Variants in GFRAL observed in about 807,000 individuals in gnomAD.
The protein encoded by GFRAL is GDNF family receptor alpha-like.
A neutral mutation model predicts 45.4 loss-of-function variants in GFRAL; 36 were observed. That is an observed-to-expected ratio of 0.79 (90% CI 0.61 to 1.05). The LOEUF (loss-of-function observed/expected upper bound fraction) is 1.05. Among genes scored for constraint, GFRAL ranks in the 50% least tolerant of loss-of-function variants. GFRAL has a pLI of 0.00. For missense variants in GFRAL, 507 were observed against 467.5 expected, an observed-to-expected ratio of 1.08 and a Z score of -0.78; for synonymous variants, 166 against 154.1, an observed-to-expected ratio of 1.08 and a Z score of -0.57.
chr6:55,375,236 T>G (rs1299300520), intron 6 of GFRAL, among the ~76,000 whole-genome samples: 2 of 152,198 alleles, frequency 1.3e-5, no homozygotes, highest in Non-Finnish European at 2.9e-5. Context: ...TTCATGATAT[T>G]GATTTTTCCT....
At chr6:55,384,740 A>G (rs1177486916) in intron 6 of GFRAL, among the ~76,000 whole-genome samples, 1 of 152,066 alleles carries the variant, frequency 6.6e-6, no homozygotes, top group Admixed American at 6.6e-5. Flanking sequence ...TATTTTCCAC[A>G]GTAACTTTTG....
chr6:55,361,046 A>C (rs1768268775), intron 6 of GFRAL, among the ~76,000 whole-genome samples: 2 of 152,064 alleles, frequency 1.3e-5, no homozygotes, highest in South Asian at 4.1e-4. Flanking sequence ...CAGAGCAAAA[A>C]ATTTGCAGAG....
chr6:55,383,360 T>A lies in GFRAL; in HGVS notation c.953-15820T>A, dbSNP rs117943733. 2.6e-5 allele frequency among the ~76,000 whole-genome samples: 4 copies of A among 152,160 alleles called. No individual in the cohort carries two copies. In the East Asian group the frequency reaches 7.7e-4, roughly 29 times the overall value. On this transcript the variant is annotated intron_variant, in intron 6 of 8. Coordinates refer to ENST00000340465, the MANE Select transcript of GFRAL (RefSeq NM_207410.2). ...ATCTCATATACAATTATGCACTGCA[T>A]AATGATGTTTCTGTCAAAGTCAGAC...
intron 6 of GFRAL, among the ~76,000 whole-genome samples, chr6:55,370,153 A>T: frequency 6.6e-6 from 1 of 152,132 alleles, no homozygotes; most frequent in African/African-American, 2.4e-5. Flanking sequence ...CAAAATTTAT[A>T]ATATAAATAT....
intron 6 of GFRAL, among the ~76,000 whole-genome samples, chr6:55,376,671 C>A (rs749729188): frequency 6.6e-6 from 1 of 151,954 alleles, no homozygotes; most frequent in Non-Finnish European, 1.5e-5. Context: ...GTTTGTATTT[C>A]TCTGGGGTCA....
chr6:55,351,152 T>C (rs1186139300), intron 4 of GFRAL, 101 bp from the exon 5 acceptor site: 2 of 803,352 alleles, frequency 2.5e-6, no homozygotes, highest in Admixed American at 2.4e-5. Flanking sequence ...CATTGGTACA[T>C]CATTGTATTT....
chr6:55,352,125 A>C (rs1413261860), intron 5 of GFRAL, among the ~76,000 whole-genome samples: 1 of 152,088 alleles, frequency 6.6e-6, no homozygotes, highest in Non-Finnish European at 1.5e-5. Flanking sequence ...CTGTTCAATC[A>C]CAAAAGCCAC....
chr6:55,376,426 T>C (rs1057510825), intron 6 of GFRAL, among the ~76,000 whole-genome samples: 7 of 152,088 alleles, frequency 4.6e-5, no homozygotes, highest in Admixed American at 4.6e-4. Context: ...ATAGTTTCAG[T>C]AGAAATGGTA....
At chr6:55,374,197 C>T (rs1768494391) in intron 6 of GFRAL, among the ~76,000 whole-genome samples, 1 of 152,156 alleles carries the variant, frequency 6.6e-6, no homozygotes, top group Non-Finnish European at 1.5e-5. Flanking sequence ...GTGAATAGTG[C>T]TGCAGTGAAC....
rs991765381 is a variant in GFRAL, at chr6:55,402,460, A to G, written c.*607A>G. ...AAAATATATGGTGGTATCTTTTACA[A>G]CACTGGAACAGAAATAAAGTTTCCC... On this transcript the variant is annotated 3_prime_UTR_variant, in exon 9 of 9. Transcript: ENST00000340465. 1 of 152,196 alleles carries G rather than the reference A, an allele frequency of 6.6e-6. No homozygotes were observed. The highest frequency in any genetic ancestry group is 1.5e-5 in the Non-Finnish European group (1 of 68,038). The allele number at this position is 152,196 out of a possible 1,614,324, so 9.4% of individuals were successfully genotyped here. A position where few individuals can be genotyped will look rare whatever the true frequency, so the allele number is the denominator to read the frequency against.
chr6:55,350,236 C>G, intron 4 of GFRAL, 91 bp downstream of exon 4: 1 of 727,276 alleles, frequency 1.4e-6, no homozygotes, highest in Non-Finnish European at 2.4e-6. Context: ...TAGGCCAATA[C>G]AGAACAAATC....
intron 6 of GFRAL, among the ~76,000 whole-genome samples, chr6:55,363,541 A>T (rs1768308499): frequency 6.7e-6 from 1 of 148,310 alleles, no homozygotes; most frequent in East Asian, 2.1e-4. Context: ...AACCCACTAA[A>T]TCGTCATCTA....
intron 1 of GFRAL, 107 bp from the exon 2 acceptor site, chr6:55,331,608 T>A: frequency 5.4e-6 from 5 of 934,090 alleles, no homozygotes; most frequent in Non-Finnish European, 7.8e-6. Context: ...ATTATTTCAC[T>A]ACATGTTATT....
At chr6:55,382,121 A>C (rs944717112) in intron 6 of GFRAL, among the ~76,000 whole-genome samples, 1 of 151,904 alleles carries the variant, frequency 6.6e-6, no homozygotes, top group Non-Finnish European at 1.5e-5. Context: ...CTCTGTATTC[A>C]TATTTATATC....
At chr6:55,357,038 C>T in intron 5 of GFRAL, among the ~76,000 whole-genome samples, 1 of 151,650 alleles carries the variant, frequency 6.6e-6, no homozygotes, top group Non-Finnish European at 1.5e-5. Context: ...AGTTTTATTC[C>T]ATTGTCATCA....
In GFRAL at chr6:55,351,109, C is replaced by T. The variant is rs1768110103; in HGVS notation, c.371-144C>T. On this transcript the variant is annotated intron_variant, in intron 4 of 8. Transcript: ENST00000340465. ...TTAGGTCTCAGTAAATTCATACTTA[C>T]TCTAAAAGATGTAATGTTTGCCAAA... 7.3e-5 allele frequency: 46 copies of T among 629,410 alleles called. No individual in the cohort carries two copies. In the South Asian group the frequency reaches 9.4e-4, roughly 13 times the overall value. The allele number at this position is 629,410 out of a possible 1,614,324, so 39.0% of individuals were successfully genotyped here. A position where few individuals can be genotyped will look rare whatever the true frequency, so the allele number is the denominator to read the frequency against.
chr6:55,364,308 GT>G (rs1768323653), intron 6 of GFRAL, among the ~76,000 whole-genome samples: 1 of 150,876 alleles, frequency 6.6e-6, no homozygotes, highest in Non-Finnish European at 1.5e-5. Flanking sequence ...TTGTAAATTT[GT>G]TTTAGTTCAT....
At chr6:55,373,066 G>C (rs1343000839) in intron 6 of GFRAL, among the ~76,000 whole-genome samples, 2 of 147,176 alleles carry the variant, frequency 1.4e-5, no homozygotes, top group South Asian at 4.4e-4. Flanking sequence ...CCTACATATA[G>C]TATCAGGGAC....
chr6:55,397,461 T>C (rs1349747837), intron 6 of GFRAL, among the ~76,000 whole-genome samples: 2 of 119,792 alleles, frequency 1.7e-5, no homozygotes, highest in African/African-American at 6.8e-5. Flanking sequence ...GAGCTTGCAG[T>C]GAGCCGAGAT....
Sources: allele counts gnomAD v4.1 joint callset (sites outside exome capture counted in the v4.1 genomes callset), GRCh38; gene constraint gnomAD v4.1.1; transcripts MANE v1.5; gene names NCBI Gene and HGNC (gene_info 2026-07-23, HGNC 2026-07-21).